Variants in TBC1D1 observed in about 807,000 individuals in gnomAD.
TBC1D1 encodes the protein TBC1 (tre-2/USP6, BUB2, cdc16) domain family, member 1.
A neutral mutation model predicts 125.6 loss-of-function variants in TBC1D1; 89 were observed. The observed-to-expected ratio is 0.71, with a 90% CI of 0.60 to 0.85. The LOEUF (loss-of-function observed/expected upper bound fraction) is 0.85. Ranked by LOEUF, TBC1D1 falls within the 40% of genes least tolerant of loss-of-function variation. The pLI, the probability that TBC1D1 is intolerant of heterozygous loss-of-function variation, is 0.00. For synonymous variants in TBC1D1, 565 were observed against 564.1 expected (o/e 1.00, Z -0.02); for missense variants, 1,377 against 1,469.2 (o/e 0.94, Z 1.03).
chr4:37,917,432 G>A (rs994037731), intron 2 of TBC1D1, among the ~76,000 whole-genome samples: 5 of 152,164 alleles, frequency 3.3e-5, no homozygotes, highest in South Asian at 2.1e-4. Context: ...CCGAGACTGC[G>A]TCATTGCACT....
chr4:37,931,249 AC>A (rs1723196083), intron 2 of TBC1D1, among the ~76,000 whole-genome samples: 1 of 151,868 alleles, frequency 6.6e-6, no homozygotes, highest in Non-Finnish European at 1.5e-5. Flanking sequence ...GGTGCCTGCC[AC>A]CACATCTGGC....
At chr4:37,962,749 G>A (rs1730295976) in intron 2 of TBC1D1, among the ~76,000 whole-genome samples, 1 of 151,954 alleles carries the variant, frequency 6.6e-6, no homozygotes, top group East Asian at 1.9e-4. Context: ...TTTTATTCTT[G>A]GTAATTTTTT....
chr4:38,110,012 G>A lies in TBC1D1; in HGVS notation c.2558-5698G>A, dbSNP rs560258749. Among the ~76,000 whole-genome samples, 17 of 152,342 alleles carry A rather than the reference G, an allele frequency of 1.1e-4. No individual in the cohort carries two copies. In the South Asian group the frequency reaches 2.5e-3, roughly 22 times the overall value. On this transcript the variant is annotated intron_variant, in intron 15 of 19. Transcript: ENST00000261439. ...TGGTTTGCCAGTACCACTCCCTGGA[G>A]AAAAGAGCAAAAGAAAGAAACTTGT...
At position 37,953,776 on chromosome 4, in the gene TBC1D1, G is replaced by C. The variant is rs145175911; in HGVS notation, c.417+51264G>C. Among the ~76,000 whole-genome samples the C allele has an allele frequency of 3.3e-3, 497 of 152,300 alleles. 5 individuals are homozygous for C. Among genetic ancestry groups the C allele is most frequent in the African/African-American group, 0.011 (465 of 41,554 alleles). On this transcript the variant is annotated intron_variant, in intron 2 of 19. Coordinates refer to ENST00000261439, the MANE Select transcript of TBC1D1 (RefSeq NM_015173.4). ...ATTTTGAGAAGATTGGATGGTTACT[G>C]TGGTTAGCTTGGTATGTGGCCAGGG...
chr4:37,960,922 C>T (rs1729911437), intron 2 of TBC1D1: 4 of 1,614,110 alleles, frequency 2.5e-6, no homozygotes, highest in Non-Finnish European at 3.4e-6. Flanking sequence ...CAGCTGGGCC[C>T]CCCTTCACCT....
chr4:38,100,963 A>G (rs1040389539), intron 14 of TBC1D1, among the ~76,000 whole-genome samples: 1 of 152,206 alleles, frequency 6.6e-6, no homozygotes, highest in African/African-American at 2.4e-5. Flanking sequence ...GGCAGTCAGC[A>G]TCCCTGGGCT....
In TBC1D1 at chr4:38,027,654, T is replaced by C. The variant is rs1257426384; in HGVS notation, c.1211-134T>C. Reference sequence around the variant, plus strand: ...CCATGTCAAAAAAAAAAATAAAATATTTTTTTATTTCCTAAAACCTTGGAA... The same window carrying C: ...CCATGTCAAAAAAAAAAATAAAATACTTTTTTATTTCCTAAAACCTTGGAA... On this transcript the variant is annotated intron_variant, in intron 6 of 19. Coordinates refer to ENST00000261439, the MANE Select transcript of TBC1D1 (RefSeq NM_015173.4). 3 of 503,178 alleles carry C rather than the reference T, an allele frequency of 6.0e-6. No homozygotes were observed. The East Asian group carries it at 1.0e-4, about 17-fold the overall frequency. 31.2% of individuals were successfully genotyped at this position (503,178 alleles called of 1,614,324 possible). A position where few individuals can be genotyped will look rare whatever the true frequency, so the allele number is the denominator to read the frequency against.
chr4:38,004,146 A>T (rs1393189459), intron 2 of TBC1D1, among the ~76,000 whole-genome samples: 2 of 152,192 alleles, frequency 1.3e-5, no homozygotes, highest in Non-Finnish European at 2.9e-5. Context: ...AGCATCACAC[A>T]TTCATAGCTT....
intron 1 of TBC1D1, among the ~76,000 whole-genome samples, chr4:37,896,840 A>G (rs1714743457): frequency 6.6e-6 from 1 of 151,904 alleles, no homozygotes. Context: ...TTATGATTCT[A>G]AGTGTATGCT....
rs151087504 is a variant in TBC1D1 at position 37,904,476 on chromosome 4, G to A, written c.417+1964G>A. 1.3e-3 allele frequency among the ~76,000 whole-genome samples: 193 copies of A among 152,296 alleles called. 1 individual carries two copies. The highest frequency in any genetic ancestry group is 4.3e-3 in the African/African-American group (177 of 41,574). On this transcript the variant is annotated intron_variant, in intron 2 of 19. Coordinates refer to ENST00000261439, the MANE Select transcript of TBC1D1 (RefSeq NM_015173.4). Reference sequence around the variant, plus strand: ...GAATTTCCTTGGGGAGAGTTTGTGCGTGGAATCGTTGTTCAGCATTTTACA... The same window carrying A: ...GAATTTCCTTGGGGAGAGTTTGTGCATGGAATCGTTGTTCAGCATTTTACA...
chr4:37,933,482 T>TA (rs1184774563), intron 2 of TBC1D1, among the ~76,000 whole-genome samples: 1 of 141,244 alleles, frequency 7.1e-6, no homozygotes, highest in Non-Finnish European at 1.6e-5. Flanking sequence ...AGTAGAATAA[T>TA]AAAAAAATAA....
At chr4:38,035,997 A>G (rs1747135877) in intron 8 of TBC1D1, among the ~76,000 whole-genome samples, 1 of 152,172 alleles carries the variant, frequency 6.6e-6, no homozygotes, top group African/African-American at 2.4e-5. Context: ...CTTGGCTTGC[A>G]GGGAGCTGGT....
chr4:37,945,361 A>G (rs1418755531), intron 2 of TBC1D1, among the ~76,000 whole-genome samples: 9 of 151,638 alleles, frequency 5.9e-5, no homozygotes, highest in African/African-American at 1.9e-4. Flanking sequence ...GAAATCACAA[A>G]AAATAGCTGA....
intron 18 of TBC1D1, among the ~76,000 whole-genome samples, chr4:38,127,475 T>C (rs755556548): frequency 1.3e-5 from 2 of 151,542 alleles, no homozygotes; most frequent in Non-Finnish European, 2.9e-5. Flanking sequence ...ACCTCCACCT[T>C]CTGGGCTCAA....
intron 12 of TBC1D1, among the ~76,000 whole-genome samples, chr4:38,064,341 C>T (rs1488208755): frequency 6.6e-6 from 1 of 152,004 alleles, no homozygotes; most frequent in African/African-American, 2.4e-5. Flanking sequence ...TGTGGAAACT[C>T]CTCCTCCAGG....
chr4:37,946,504 C>T (rs1448160702), intron 2 of TBC1D1, among the ~76,000 whole-genome samples: 9 of 152,162 alleles, frequency 5.9e-5, no homozygotes, highest in Non-Finnish European at 1.2e-4. Context: ...GAAACAGTAT[C>T]GTGTGAATCT....
intron 2 of TBC1D1, among the ~76,000 whole-genome samples, chr4:37,986,821 T>A (rs1204821888): frequency 2.1e-5 from 3 of 144,848 alleles, no homozygotes; most frequent in Non-Finnish European, 4.5e-5. Flanking sequence ...AGAGGAAGCC[T>A]GAGTAGTCGG....
chr4:37,989,721 A>G (rs1736168835), intron 2 of TBC1D1, among the ~76,000 whole-genome samples: 1 of 152,202 alleles, frequency 6.6e-6, no homozygotes, highest in African/African-American at 2.4e-5. Context: ...TAAGGGGAAA[A>G]TGGGGGAGAG....
chr4:38,089,937 T>C lies in TBC1D1; in HGVS notation c.2056T>C (p.Ser686Pro), dbSNP rs1361267683. The change falls in exon 13 of 20, where the codon TCA becomes CCA. Residue 686 changes from serine to proline, a missense_variant. Transcript: ENST00000261439. Reference sequence around the variant, plus strand: ...AATGCCGTCTCCCTTTCCAGATTATTCAGAGCTGGGAGAGCTTCCCCCACG... The same window carrying C: ...AATGCCGTCTCCCTTTCCAGATTATCCAGAGCTGGGAGAGCTTCCCCCACG... 6.3e-7 allele frequency: 1 copy of C among 1,578,574 alleles called. No individual in the cohort carries two copies. Among genetic ancestry groups the C allele is most frequent in the South Asian group, 1.2e-5 (1 of 85,666 alleles).
Sources: allele counts gnomAD v4.1 joint callset (sites outside exome capture counted in the v4.1 genomes callset), GRCh38; gene constraint gnomAD v4.1.1; transcripts MANE v1.5; gene names NCBI Gene and HGNC (gene_info 2026-07-23, HGNC 2026-07-21).